TANC1: variants seen among roughly 807,000 people sequenced by gnomAD.
TANC1 encodes protein TANC1.
A neutral mutation model predicts 149.7 loss-of-function variants in TANC1; 77 were observed. That is an observed-to-expected ratio of 0.51 (90% CI 0.43 to 0.62). The LOEUF (loss-of-function observed/expected upper bound fraction) is 0.62, where lower values mean the gene tolerates loss of function less well. Ranked by LOEUF, TANC1 falls within the 20% of genes least tolerant of loss-of-function variation. The pLI is 0.00. For missense variants in TANC1, 1,985 were observed against 2,321.8 expected (o/e 0.85, Z 2.98); for synonymous variants, 854 against 925.0 (o/e 0.92, Z 1.39).
chr2:159,168,009 C>T (rs1429948283), intron 8 of TANC1, among the ~76,000 whole-genome samples: 1 of 152,132 alleles, frequency 6.6e-6, no homozygotes, highest in Non-Finnish European at 1.5e-5. Context: ...AGGCTTTACC[C>T]AGGCACTATG....
intron 19 of TANC1, among the ~76,000 whole-genome samples, chr2:159,205,728 A>G (rs2058557866): frequency 1.3e-5 from 2 of 152,198 alleles, no homozygotes; most frequent in Non-Finnish European, 2.9e-5. Flanking sequence ...ATTTCTCAGG[A>G]TGCATCCCTG....
chr2:159,135,191 A>C (rs553795983), intron 4 of TANC1, among the ~76,000 whole-genome samples: 6 of 152,174 alleles, frequency 3.9e-5, no homozygotes, highest in Non-Finnish European at 7.3e-5. Context: ...ATATGAATGG[A>C]ATCATGTAGA....
intron 7 of TANC1, among the ~76,000 whole-genome samples, chr2:159,157,539 C>G (rs897730848): frequency 6.6e-6 from 1 of 152,170 alleles, no homozygotes; most frequent in Non-Finnish European, 1.5e-5. Flanking sequence ...CAGACTTCTG[C>G]GCGCGTTGCC....
chr2:159,061,133 C>G (rs1304147773), intron 2 of TANC1, among the ~76,000 whole-genome samples: 1 of 152,068 alleles, frequency 6.6e-6, no homozygotes, highest in Non-Finnish European at 1.5e-5. Flanking sequence ...GGCCATTGGC[C>G]CTCTCAGAGT....
chr2:159,212,110 G>A (rs1052557610), intron 19 of TANC1, among the ~76,000 whole-genome samples: 3 of 152,218 alleles, frequency 2.0e-5, no homozygotes, highest in Admixed American at 6.5e-5. Flanking sequence ...TAAAGGCCCC[G>A]TTTATAATGT....
intron 3 of TANC1, among the ~76,000 whole-genome samples, chr2:159,072,749 T>TA (rs1423911019): frequency 1.3e-5 from 2 of 151,922 alleles, no homozygotes; most frequent in Non-Finnish European, 2.9e-5. Context: ...ACATGTACCC[T>TA]AAAACTTAAA....
chr2:159,150,993 A>G (rs2052735116), intron 7 of TANC1, among the ~76,000 whole-genome samples: 1 of 152,096 alleles, frequency 6.6e-6, no homozygotes, highest in Admixed American at 6.5e-5. Context: ...AGGGTTTCTT[A>G]TCATGGGATC....
intron 1 of TANC1, among the ~76,000 whole-genome samples, chr2:158,989,066 G>C (rs2035332254): frequency 6.6e-6 from 1 of 152,152 alleles, no homozygotes; most frequent in Admixed American, 6.5e-5. Flanking sequence ...TGTTCACAGG[G>C]AGAGCACACT....
intron 4 of TANC1, among the ~76,000 whole-genome samples, chr2:159,123,184 G>A (rs1239227595): frequency 6.6e-6 from 1 of 152,180 alleles, no homozygotes; most frequent in Non-Finnish European, 1.5e-5. Context: ...GCAGATGCAT[G>A]CCAGAGCAGG....
chr2:159,229,010 T>G (rs1164138301), intron 26 of TANC1, 114 bp downstream of exon 26: 2 of 738,286 alleles, frequency 2.7e-6, no homozygotes, highest in Admixed American at 4.7e-5. Flanking sequence ...CCTCTCATCC[T>G]TTTTAGTAGT....
intron 19 of TANC1, among the ~76,000 whole-genome samples, chr2:159,208,935 C>T (rs778339717): frequency 4.6e-5 from 7 of 152,232 alleles, no homozygotes; most frequent in Admixed American, 1.3e-4. Context: ...ATACTGTAGG[C>T]AGCTATAACA....
chr2:159,027,470 C>T (rs981594048), intron 2 of TANC1, among the ~76,000 whole-genome samples: 1 of 152,206 alleles, frequency 6.6e-6, no homozygotes, highest in Non-Finnish European at 1.5e-5. Flanking sequence ...GAGACCTTGT[C>T]GGAATGGCCT....
At chr2:159,176,702 A>G (rs1221402447) in intron 13 of TANC1, among the ~76,000 whole-genome samples, 184 bp downstream of exon 13, 1 of 152,134 alleles carries the variant, frequency 6.6e-6, no homozygotes, top group Non-Finnish European at 1.5e-5. Context: ...CCCCAGGTAT[A>G]TTTATCAAGA....
intron 19 of TANC1, among the ~76,000 whole-genome samples, chr2:159,213,870 A>G (rs896372650): frequency 6.6e-6 from 1 of 152,136 alleles, no homozygotes; most frequent in Non-Finnish European, 1.5e-5. Context: ...TCGCACCTGT[A>G]ATCCCAGCAC....
chr2:159,161,734 G>A (rs2054065081), intron 7 of TANC1, among the ~76,000 whole-genome samples: 1 of 152,224 alleles, frequency 6.6e-6, no homozygotes, highest in African/African-American at 2.4e-5. Context: ...TTCCAAAGAG[G>A]TGGAGGTATG....
At chr2:159,082,069 G>A (rs545378735) in intron 3 of TANC1, among the ~76,000 whole-genome samples, 41 of 152,372 alleles carry the variant, frequency 2.7e-4, no homozygotes, top group African/African-American at 9.6e-4. Context: ...ACCCTGCTCT[G>A]CCCCATCTGG....
At chr2:159,193,767 C>T (rs1045063810) in intron 16 of TANC1, among the ~76,000 whole-genome samples, 4 of 152,188 alleles carry the variant, frequency 2.6e-5, no homozygotes, top group Admixed American at 1.3e-4. Context: ...GTGATCCACC[C>T]GCCATGGCCT....
chr2:159,105,606 CA>C (rs1268979277), intron 4 of TANC1, among the ~76,000 whole-genome samples: 1 of 152,182 alleles, frequency 6.6e-6, no homozygotes, highest in Non-Finnish European at 1.5e-5. Flanking sequence ...CCGCAAAAGA[CA>C]ACCACTTTTG....
intron 1 of TANC1, among the ~76,000 whole-genome samples, chr2:158,970,190 A>C (rs1370473915): frequency 6.6e-6 from 1 of 152,116 alleles, no homozygotes; most frequent in Non-Finnish European, 1.5e-5. Context: ...GTTAGTTGGC[A>C]CAGAGGGCTG....
Sources: gnomAD v4.1 joint callset for allele counts (sites outside exome capture counted in the v4.1 genomes callset) on GRCh38, gnomAD v4.1.1 for gene constraint, MANE v1.5 for transcripts, NCBI Gene and HGNC (gene_info 2026-07-23, HGNC 2026-07-21) for gene names.